VPS13A: variants seen among roughly 807,000 people sequenced by gnomAD.
VPS13A encodes vacuolar protein sorting 13 homolog A.
In VPS13A, 264 loss-of-function variants were observed where a neutral mutation model predicts 390.9. That is an observed-to-expected ratio of 0.68 (90% CI 0.61 to 0.75). The LOEUF is 0.75. Ranked by LOEUF, VPS13A falls within the 30% of genes least tolerant of loss-of-function variation. VPS13A has a pLI of 0.00. For missense variants in VPS13A, 3,409 were observed against 3,733.9 expected, an observed-to-expected ratio of 0.91 and a Z score of 2.27; for synonymous variants, 1,231 against 1,227.1, an observed-to-expected ratio of 1.00 and a Z score of -0.07.
intron 70 of VPS13A, 115 bp from the exon 71 acceptor site, chr9:77,407,418 A>C: frequency 6.3e-6 from 5 of 793,550 alleles, no homozygotes; most frequent in Non-Finnish European, 8.4e-6. Context: ...TTTAAGGTGC[A>C]TGATTTGTAT....
Position 77,200,001 on chromosome 9 carries a change from T to G in VPS13A, c.144+13T>G. ...AGAAAATGCCCTGGTAGGTTTTGAC[T>G]ATGAAAAATTTGTAAAGTTATTGCA... On this transcript the variant is annotated intron_variant, in intron 2 of 71. Coordinates refer to ENST00000360280, the MANE Select transcript of VPS13A (RefSeq NM_033305.3). 1 of 1,601,750 alleles carries G rather than the reference T, an allele frequency of 6.2e-7. No homozygotes were observed. The highest frequency in any genetic ancestry group is 8.5e-7 in the Non-Finnish European group (1 of 1,171,238).
chr9:77,321,342 T>C lies in VPS13A; in HGVS notation c.5574+15T>C. The stretch of plus-strand genomic sequence containing the variant: ...ATTTAGTCAAGGTAAGAAAAGAAAT[T>C]TGAAACTTTAAATATTGAGATACTT... On this transcript the variant is annotated intron_variant, in intron 43 of 71. Coordinates refer to ENST00000360280, the MANE Select transcript of VPS13A (RefSeq NM_033305.3). 1 of 1,597,704 alleles carries C rather than the reference T, an allele frequency of 6.3e-7. No individual in the cohort carries two copies. The highest frequency in any genetic ancestry group is 8.6e-7 in the Non-Finnish European group (1 of 1,168,224).
Position 77,226,112 on chromosome 9 carries a change from GTAT to G in VPS13A, c.1224+128_1224+130del, listed in dbSNP as rs1823492980. On this transcript the variant is annotated intron_variant, in intron 14 of 71. Transcript: ENST00000360280. ...AAAAAGTGGTTCAATTTGCTTTTTA[GTAT>G]TATAAGAAAATTATTTAATATTTTT... 5 of 830,704 alleles carry G rather than the reference GTAT, an allele frequency of 6.0e-6. No homozygotes were observed. The South Asian group carries it at 7.5e-5, about 12-fold the overall frequency. 51.5% of individuals were successfully genotyped at this position (830,704 alleles called of 1,614,324 possible).
chr9:77,348,129 A>C (rs747694003), intron 52 of VPS13A, among the ~76,000 whole-genome samples: 4 of 152,172 alleles, frequency 2.6e-5, no homozygotes, highest in Non-Finnish European at 5.9e-5. Context: ...CTGGGTATGT[A>C]CTCAAAGGAA....
intron 17 of VPS13A, among the ~76,000 whole-genome samples, chr9:77,232,599 A>G (rs1280318648): frequency 6.6e-6 from 1 of 152,092 alleles, no homozygotes; most frequent in African/African-American, 2.4e-5. Context: ...GGTTTAATTG[A>G]CTCATAGTTC....
At chr9:77,270,985 A>G (rs1826320789) in intron 23 of VPS13A, among the ~76,000 whole-genome samples, 1 of 152,218 alleles carries the variant, frequency 6.6e-6, no homozygotes, top group South Asian at 2.1e-4. Flanking sequence ...AAGCGCAAAT[A>G]TAACAGGAGA....
rs558772687 is a variant in VPS13A, at chr9:77,364,724, C to T, written c.8212-736C>T. Among the ~76,000 whole-genome samples the T allele has an allele frequency of 1.9e-3, 292 of 152,220 alleles. 1 individual carries two copies. The highest frequency in any genetic ancestry group is 6.6e-3 in the African/African-American group (275 of 41,536). On this transcript the variant is annotated intron_variant, in intron 59 of 71. Coordinates refer to ENST00000360280, the MANE Select transcript of VPS13A (RefSeq NM_033305.3). The stretch of plus-strand genomic sequence containing the variant: ...TTTCTTACCAAATTCTTTAGGTTTT[C>T]TTAAATAGATGTTTCTTCATTTGCT...
intron 1 of VPS13A, among the ~76,000 whole-genome samples, chr9:77,190,940 T>C (rs899476350): frequency 6.6e-6 from 1 of 152,152 alleles, no homozygotes; most frequent in African/African-American, 2.4e-5. Context: ...TTTCTAATTG[T>C]GTTTATTTGG....
intron 32 of VPS13A, among the ~76,000 whole-genome samples, chr9:77,293,820 G>A (rs926360754): frequency 1.3e-5 from 2 of 151,860 alleles, no homozygotes; most frequent in Admixed American, 6.6e-5. Context: ...TTAAGTCTTC[G>A]TTTTACCTGA....
At chr9:77,375,612 T>G (rs1361630015) in intron 67 of VPS13A, among the ~76,000 whole-genome samples, 1 of 152,184 alleles carries the variant, frequency 6.6e-6, no homozygotes, top group African/African-American at 2.4e-5. Context: ...ATAGCCTTAA[T>G]TTTTAAAAGC....
chr9:77,402,877 A>C (rs1834448871), intron 68 of VPS13A, among the ~76,000 whole-genome samples: 1 of 152,224 alleles, frequency 6.6e-6, no homozygotes, highest in African/African-American at 2.4e-5. Context: ...GATTTGTGTT[A>C]GTATTTACAT....
chr9:77,418,605 A>AGTT lies in VPS13A; in HGVS notation c.*2606_*2608dup, dbSNP rs750451967. ...TCCCAAGGTCAGTTTAGTGTGGCTG[A>AGTT]GTTGTTGTTATCTGGACCCTAAACA... On this transcript the variant is annotated 3_prime_UTR_variant, in exon 72 of 72. Coordinates refer to ENST00000360280, the MANE Select transcript of VPS13A (RefSeq NM_033305.3). 3.3e-5 allele frequency: 5 copies of AGTT among 152,122 alleles called. No homozygotes were observed. The highest frequency in any genetic ancestry group is 1.2e-4 in the African/African-American group (5 of 41,430). The allele number at this position is 152,122 out of a possible 1,614,324, so 9.4% of individuals were successfully genotyped here.
chr9:77,343,099 C>G (rs1364640779), intron 50 of VPS13A, among the ~76,000 whole-genome samples: 1 of 152,082 alleles, frequency 6.6e-6, no homozygotes, highest in East Asian at 1.9e-4. Context: ...CTCCCTTTCC[C>G]CCGATAAAGA....
At chr9:77,293,567 A>G (rs1827799531) in intron 32 of VPS13A, 59 bp downstream of exon 32, 21 of 1,015,960 alleles carry the variant, frequency 2.1e-5, no homozygotes, top group Non-Finnish European at 2.8e-5. Context: ...CTATATGTCA[A>G]ATATGGATGA....
chr9:77,381,289 ATT>A (rs1833421110), intron 67 of VPS13A, among the ~76,000 whole-genome samples: 2 of 151,716 alleles, frequency 1.3e-5, no homozygotes, highest in Non-Finnish European at 2.9e-5. Flanking sequence ...TAGTTTTTTT[ATT>A]TTTTTGTAGA....
At chr9:77,216,426 C>T (rs1305699346) in intron 10 of VPS13A, among the ~76,000 whole-genome samples, 4 of 152,020 alleles carry the variant, frequency 2.6e-5, no homozygotes, top group Middle Eastern at 3.2e-3. Context: ...GACAAATTGA[C>T]GATGCAGGAG....
chr9:77,293,484 C>T lies in VPS13A; in HGVS notation c.3483C>T (p.Val1161=). The T allele has an allele frequency of 6.3e-7, 1 of 1,589,548 alleles. No homozygotes were observed. Among genetic ancestry groups the T allele is most frequent in the South Asian group, 1.2e-5 (1 of 84,926 alleles). ...TTGGTTGCATTGAAGTAGTTTTTGT[C>T]ACGAAATTTCTATATTCTATATTGG... ...LIVGCIEVVF[V]TKFLYSILAF... The change falls in exon 32 of 72, where the codon GTC becomes GTT. Residue 1161 remains valine, a synonymous_variant. Transcript: ENST00000360280.
intron 68 of VPS13A, chr9:77,384,560 C>A: frequency 6.2e-7 from 1 of 1,611,078 alleles, no homozygotes; most frequent in South Asian, 1.1e-5. Context: ...CTTTGTGCTT[C>A]TTTTTTCCTT....
rs758688168 is a variant in VPS13A at position 77,317,739 on chromosome 9, A to G, written c.4956+41A>G. The G allele has an allele frequency of 2.8e-6, 4 of 1,450,640 alleles. No individual in the cohort carries two copies. In the African/African-American group the frequency reaches 5.6e-5, roughly 20 times the overall value. The allele number at this position is 1,450,640 out of a possible 1,614,324, so 89.9% of individuals were successfully genotyped here. Reference sequence around the variant, plus strand: ...ATCATTTGAATATTTAGTGCACTTAAAAAAAGTAGTAAAGCCTAGAAAGTT... The same window carrying G: ...ATCATTTGAATATTTAGTGCACTTAGAAAAAGTAGTAAAGCCTAGAAAGTT... On this transcript the variant is annotated intron_variant, in intron 40 of 71. Transcript: ENST00000360280.
Sources: allele counts gnomAD v4.1 joint callset (sites outside exome capture counted in the v4.1 genomes callset), GRCh38; gene constraint gnomAD v4.1.1; transcripts MANE v1.5; gene names NCBI Gene and HGNC (gene_info 2026-07-23, HGNC 2026-07-21).